The following EHD4 variants were observed in gnomAD, a reference collection of about 807,000 sequenced individuals.
EHD4 encodes EH domain-containing protein 4.
In EHD4, 37 loss-of-function variants were observed where a neutral mutation model predicts 51.0. The observed-to-expected ratio is 0.73, with a 90% confidence interval of 0.56 to 0.95. The LOEUF (loss-of-function observed/expected upper bound fraction) is 0.95, where lower values mean the gene tolerates loss of function less well. Ranked by LOEUF, EHD4 falls within the 40% of genes least tolerant of loss-of-function variation. EHD4 has a pLI of 0.00. For synonymous variants in EHD4, 297 were observed against 317.3 expected, an observed-to-expected ratio of 0.94 and a Z score of 0.68; for missense variants, 632 against 733.1, an observed-to-expected ratio of 0.86 and a Z score of 1.59.
intron 1 of EHD4, among the ~76,000 whole-genome samples, chr15:41,965,934 G>A (rs1037677366): frequency 2.1e-4 from 5 of 24,324 alleles, no homozygotes; most frequent in Admixed American, 4.5e-4. Context: ...CCCACCCCCC[G>A]CCCCACCTAC....
intron 4 of EHD4, 92 bp downstream of exon 4, chr15:41,919,118 G>T: frequency 6.5e-7 from 1 of 1,531,044 alleles, no homozygotes; most frequent in Non-Finnish European, 8.9e-7. Flanking sequence ...TAAGCCTTCT[G>T]GAACGAAGCC....
At chr15:41,953,000 A>C (rs2087742794) in intron 2 of EHD4, among the ~76,000 whole-genome samples, 2 of 17,414 alleles carry the variant, frequency 1.1e-4, no homozygotes, top group Non-Finnish European at 2.4e-4. Flanking sequence ...CCCCCCCGCA[A>C]AAAAAAAAAA....
Position 41,919,485 on chromosome 15 carries a change from T to A in EHD4, c.649A>T (p.Ile217Phe), listed in dbSNP as rs772825170. Residue 217 changes from isoleucine (I) to phenylalanine (F), a missense_variant, in exon 4 of 6, where the codon ATC (isoleucine) becomes TTC (phenylalanine). By Grantham distance (21) the Ile-to-Phe change is conservative (BLOSUM62 0). Transcript: ENST00000220325. ...TCGGCCTTGTTCAGCACGACACGGA[T>A]CTTGTCGTCCTGGCCCCGGAAGGCC... ...IKAFRGQDDK[I>F]RVVLNKADQV... The A allele has an allele frequency of 1.2e-5, 18 of 1,559,338 alleles. No individual in the cohort carries two copies. Among genetic ancestry groups the A allele is most frequent in the Non-Finnish European group, 1.4e-5 (16 of 1,154,822 alleles).
chr15:41,921,551 T>C (rs1482800166), intron 3 of EHD4: 1 of 152,236 alleles, frequency 6.6e-6, no homozygotes, highest in Non-Finnish European at 1.5e-5. Flanking sequence ...AACTGGCTGT[T>C]TGCTGGGTGC....
At chr15:41,911,289 C>T (rs2067547695) in intron 4 of EHD4, among the ~76,000 whole-genome samples, 1 of 152,206 alleles carries the variant, frequency 6.6e-6, no homozygotes, top group South Asian at 2.1e-4. Context: ...ACCTTTCTGT[C>T]ACCAGCAAAC....
intron 5 of EHD4, among the ~76,000 whole-genome samples, chr15:41,906,468 C>A (rs1039229900): frequency 6.6e-6 from 1 of 152,170 alleles, no homozygotes; most frequent in Non-Finnish European, 1.5e-5. Flanking sequence ...CTTCAATTGT[C>A]AGCATGACCT....
chr15:41,964,860 C>T (rs898049985), intron 1 of EHD4, among the ~76,000 whole-genome samples: 37 of 151,838 alleles, frequency 2.4e-4, no homozygotes, highest in African/African-American at 8.9e-4. Flanking sequence ...CAGCCTCGAC[C>T]ACCTGGGCTC....
At chr15:41,926,204 C>G (rs1219927863) in intron 3 of EHD4, 1 of 152,048 alleles carries the variant, frequency 6.6e-6, no homozygotes, top group Non-Finnish European at 1.5e-5. Context: ...ATAAAAAAAA[C>G]AAAGAAAGAT....
At chr15:41,935,452 C>T (rs536928044) in intron 3 of EHD4, among the ~76,000 whole-genome samples, 2 of 152,306 alleles carry the variant, frequency 1.3e-5, no homozygotes, top group East Asian at 3.9e-4. Context: ...CCTCTTTCCC[C>T]TTTCCACTAT....
intron 3 of EHD4, among the ~76,000 whole-genome samples, chr15:41,922,889 T>C (rs2067636467): frequency 6.6e-6 from 1 of 152,206 alleles, no homozygotes. Context: ...GTGTTTGTTC[T>C]GTCCCTGAGC....
At chr15:41,970,742 G>A (rs899900332) in intron 1 of EHD4, among the ~76,000 whole-genome samples, 7 of 152,190 alleles carry the variant, frequency 4.6e-5, no homozygotes, top group African/African-American at 1.7e-4. Context: ...CCTAGGGTGT[G>A]GGGACATGCC....
At chr15:41,933,271 C>A (rs1381949801) in intron 3 of EHD4, among the ~76,000 whole-genome samples, 1 of 152,214 alleles carries the variant, frequency 6.6e-6, no homozygotes, top group Non-Finnish European at 1.5e-5. Context: ...GGCACAGGTA[C>A]ATGAAACCTG....
intron 4 of EHD4, among the ~76,000 whole-genome samples, chr15:41,918,864 C>T (rs899619911): frequency 6.6e-6 from 1 of 152,240 alleles, no homozygotes; most frequent in Non-Finnish European, 1.5e-5. Flanking sequence ...GACATCCTAA[C>T]AGCTACCATG....
At position 41,900,575 on chromosome 15, in the gene EHD4, G is replaced by T; in HGVS notation, c.*70C>A. 1 of 1,446,636 alleles carries T rather than the reference G, an allele frequency of 6.9e-7. No individual in the cohort carries two copies. 89.6% of individuals were successfully genotyped at this position (1,446,636 alleles called of 1,614,324 possible). A position where few individuals can be genotyped will look rare whatever the true frequency, so the allele number is the denominator to read the frequency against. On this transcript the variant is annotated 3_prime_UTR_variant, in exon 6 of 6. Coordinates refer to ENST00000220325, the MANE Select transcript of EHD4 (RefSeq NM_139265.4). This position sits in a 1 kb window ranked among gnomAD's most constrained non-coding sequence, Gnocchi z 4.8. ...GGCAGTGCCTTGCCCAAGGTCATTC[G>T]GTGAGTCAGTGGTGGAGCAGGCCTG...
chr15:41,949,049 T>TAC (rs1299240962), intron 2 of EHD4, among the ~76,000 whole-genome samples: 13 of 102,416 alleles, frequency 1.3e-4, no homozygotes, highest in South Asian at 6.0e-4. Context: ...TATATATATA[T>TAC]ATACACACAT....
At chr15:41,924,779 T>C (rs555283454) in intron 3 of EHD4, among the ~76,000 whole-genome samples, 6 of 152,168 alleles carry the variant, frequency 3.9e-5, no homozygotes, top group African/African-American at 1.4e-4. Flanking sequence ...TTAGATAGAA[T>C]AGATGCATTT....
intron 2 of EHD4, 26 bp downstream of exon 2, chr15:41,953,738 G>A (rs376762413): frequency 1.8e-4 from 280 of 1,568,764 alleles, no homozygotes; most frequent in Non-Finnish European, 2.2e-4. Context: ...CAGCCTGACC[G>A]AAGATGGCAG....
intron 5 of EHD4, among the ~76,000 whole-genome samples, chr15:41,906,975 T>C (rs533941661): frequency 1.3e-5 from 2 of 152,312 alleles, no homozygotes; most frequent in African/African-American, 4.8e-5. Context: ...GCTCCTGAGA[T>C]CATGCTTTCC....
chr15:41,900,999 G>A lies in EHD4; in HGVS notation c.1272C>T (p.Pro424=). The change falls in exon 6 of 6, where the codon CCC becomes CCT. Residue 424 remains proline (P), a synonymous_variant. Transcript: ENST00000220325. The surrounding 1 kb of genome is among the most constrained non-coding windows in gnomAD (Gnocchi z 4.8). ...GGAFDGTTEG[P]FNQGYGEGAK... is the part of the protein sequence containing the mutation. ...CACCCTCCCCGTAGCCCTGGTTGAA[G>A]GGGCCCTCGGTGGTGCCATCGAAGG... 6.2e-7 allele frequency: 1 copy of A among 1,608,682 alleles called. No individual in the cohort carries two copies. Among genetic ancestry groups the A allele is most frequent in the East Asian group, 2.2e-5 (1 of 44,726 alleles).
Sources: gnomAD v4.1 joint callset for allele counts (sites outside exome capture counted in the v4.1 genomes callset) on GRCh38, gnomAD v4.1.1 for gene constraint, Gnocchi (gnomAD v3.1) non-coding constraint, MANE v1.5 for transcripts, NCBI Gene and HGNC (gene_info 2026-07-23, HGNC 2026-07-21) for gene names.